The following IGF1R variants were observed in gnomAD, a reference collection of about 807,000 sequenced individuals.
IGF1R encodes the protein insulin-like growth factor 1 receptor.
Under a neutral mutation model 144.6 loss-of-function variants are expected in IGF1R, and 44 were observed. The ratio of observed to expected loss-of-function variants is 0.30; its 90% CI spans 0.24 to 0.39. The LOEUF (loss-of-function observed/expected upper bound fraction) is 0.39, where lower values mean the gene tolerates loss of function less well. Among genes scored for constraint, IGF1R ranks in the 10% least tolerant of loss-of-function variants. IGF1R has a pLI of 1.00. For missense variants in IGF1R, 1,355 were observed against 1,833.7 expected, an observed-to-expected ratio of 0.74 and a Z score of 4.77; for synonymous variants, 795 against 722.8, an observed-to-expected ratio of 1.10 and a Z score of -1.60.
chr15:98,800,762 A>G (rs534341986), intron 2 of IGF1R, among the ~76,000 whole-genome samples: 47 of 152,146 alleles, frequency 3.1e-4, no homozygotes, highest in Non-Finnish European at 6.6e-4. Flanking sequence ...ACCGGCACAA[A>G]ACACAAATCC....
chr15:98,941,914 C>G (rs1036273330), intron 18 of IGF1R, among the ~76,000 whole-genome samples: 1 of 152,150 alleles, frequency 6.6e-6, no homozygotes, highest in African/African-American at 2.4e-5. Context: ...AGTGCAAAAT[C>G]AAAATCTGAC....
At chr15:98,753,694 A>G (rs550755828) in intron 2 of IGF1R, among the ~76,000 whole-genome samples, 2 of 152,246 alleles carry the variant, frequency 1.3e-5, no homozygotes, top group African/African-American at 4.8e-5. Flanking sequence ...GGAGATGGTG[A>G]AGAATTCTGT....
chr15:98,938,952 G>C (rs2016260694), intron 17 of IGF1R, among the ~76,000 whole-genome samples: 1 of 152,188 alleles, frequency 6.6e-6, no homozygotes, highest in African/African-American at 2.4e-5. Context: ...TGGTCCTAAA[G>C]AGTGCAAATT....
intron 2 of IGF1R, among the ~76,000 whole-genome samples, chr15:98,784,748 C>T (rs964400550): frequency 8.6e-5 from 13 of 152,012 alleles, no homozygotes; most frequent in African/African-American, 3.1e-4. Flanking sequence ...ATAAAGACAA[C>T]AAATTTAAAA....
chr15:98,653,813 A>T (rs2052424597), intron 1 of IGF1R, among the ~76,000 whole-genome samples: 2 of 152,204 alleles, frequency 1.3e-5, no homozygotes, highest in Admixed American at 1.3e-4. Context: ...CAGTAATGAA[A>T]ATCAACTGTA....
intron 2 of IGF1R, among the ~76,000 whole-genome samples, chr15:98,821,326 G>T (rs1480345987): frequency 6.7e-6 from 1 of 149,540 alleles, no homozygotes; most frequent in East Asian, 2.0e-4. Flanking sequence ...ACTCTCTCTA[G>T]CCCTGCCTCC....
intron 13 of IGF1R, among the ~76,000 whole-genome samples, chr15:98,925,065 A>G (rs1261142334): frequency 4.6e-5 from 7 of 151,952 alleles, no homozygotes. Context: ...CTACTTGGTC[A>G]GTAAAGCTAG....
chr15:98,694,193 T>G (rs1311104248), intron 1 of IGF1R, among the ~76,000 whole-genome samples: 1 of 152,196 alleles, frequency 6.6e-6, no homozygotes, highest in African/African-American at 2.4e-5. Context: ...CTGCTGACTT[T>G]TAAGCAAATT....
At chr15:98,656,889 A>T (rs920996288) in intron 1 of IGF1R, among the ~76,000 whole-genome samples, 54 of 152,352 alleles carry the variant, frequency 3.5e-4, no homozygotes, top group African/African-American at 1.3e-3. Context: ...TCTTTTTAAC[A>T]TGGCACTAGC....
rs2052247907 is a variant in IGF1R at position 98,648,603 on chromosome 15, G to A, written c.-979G>A. Among the ~76,000 whole-genome samples, 1 of 145,818 alleles carries A rather than the reference G, an allele frequency of 6.9e-6. No homozygotes were observed. Among genetic ancestry groups the A allele is most frequent in the Admixed American group, 6.8e-5 (1 of 14,742 alleles). On this transcript the variant is annotated 5_prime_UTR_variant, in exon 1 of 21. Transcript: ENST00000650285. Reference sequence around the variant, plus strand: ...GCTCTTGTTTACCAGCATTAACTCCGCTGAGCGGAAAAAAAAAGGGAAAAA... The same window carrying A: ...GCTCTTGTTTACCAGCATTAACTCCACTGAGCGGAAAAAAAAAGGGAAAAA...
chr15:98,712,925 T>A (rs1034086653), intron 2 of IGF1R, among the ~76,000 whole-genome samples: 2 of 149,270 alleles, frequency 1.3e-5, no homozygotes, highest in African/African-American at 5.0e-5. Flanking sequence ...GTGTGCACTT[T>A]GGACTGATGA....
At chr15:98,699,096 A>C (rs987347775) in intron 1 of IGF1R, among the ~76,000 whole-genome samples, 1 of 152,198 alleles carries the variant, frequency 6.6e-6, no homozygotes, top group African/African-American at 2.4e-5. Flanking sequence ...CACGAGAGAG[A>C]GGGAAAGGAA....
chr15:98,758,246 A>G (rs530849634), intron 2 of IGF1R, among the ~76,000 whole-genome samples: 1 of 151,602 alleles, frequency 6.6e-6, no homozygotes, highest in South Asian at 2.1e-4. Flanking sequence ...TTATACTCCA[A>G]TTGTGTCTCC....
At chr15:98,793,208 C>A (rs945455814) in intron 2 of IGF1R, among the ~76,000 whole-genome samples, 4 of 152,120 alleles carry the variant, frequency 2.6e-5, no homozygotes, top group African/African-American at 9.7e-5. Context: ...TTCAACAGAT[C>A]CAGTTGTTGT....
At chr15:98,930,747 T>TA (rs374395128) in intron 15 of IGF1R, among the ~76,000 whole-genome samples, 4 of 152,172 alleles carry the variant, frequency 2.6e-5, no homozygotes, top group Non-Finnish European at 4.4e-5. Context: ...CTTTTTTTTT[T>TA]ATCATGGAAT....
At position 98,916,001 on chromosome 15, in the gene IGF1R, C is replaced by T. The variant is rs1596445361; in HGVS notation, c.1866C>T (p.Asn622=). 2 of 1,614,028 alleles carry T rather than the reference C, an allele frequency of 1.2e-6. No individual in the cohort carries two copies. Among genetic ancestry groups the T allele is most frequent in the African/African-American group, 1.3e-5 (1 of 74,938 alleles). ...CCTTGGACGTTCTTTCAGCATCGAA[C>T]TCCTCTTCTCAGTTAATCGTGAAGT... is the stretch of plus-strand genomic sequence containing the variant. ...SIPLDVLSAS[N]SSSQLIVKWN... The change falls in exon 9 of 21, where the codon AAC becomes AAT. Residue 622 remains asparagine, a synonymous_variant. Transcript: ENST00000650285.
At chr15:98,700,550 T>TG (rs1195998966) in intron 1 of IGF1R, among the ~76,000 whole-genome samples, 1 of 152,178 alleles carries the variant, frequency 6.6e-6, no homozygotes, top group East Asian at 1.9e-4. Flanking sequence ...TTTTAACAGT[T>TG]CCTTCAAGTG....
At chr15:98,722,067 G>T (rs144914779) in intron 2 of IGF1R, among the ~76,000 whole-genome samples, 1 of 152,128 alleles carries the variant, frequency 6.6e-6, no homozygotes, top group African/African-American at 2.4e-5. Flanking sequence ...TAGTTCCTTG[G>T]CCAGAGTTTC....
At chr15:98,854,551 C>A (rs2011687098) in intron 2 of IGF1R, among the ~76,000 whole-genome samples, 1 of 152,158 alleles carries the variant, frequency 6.6e-6, no homozygotes, top group East Asian at 1.9e-4. Context: ...GTGAATTCAT[C>A]TTTTGCTGGG....
Sources: gnomAD v4.1 joint callset for allele counts (sites outside exome capture counted in the v4.1 genomes callset) on GRCh38, gnomAD v4.1.1 for gene constraint, MANE v1.5 for transcripts, NCBI Gene and HGNC (gene_info 2026-07-23, HGNC 2026-07-21) for gene names.